The following RPP30 variants were observed in gnomAD, a reference collection of about 807,000 sequenced individuals.
RPP30 encodes the protein ribonuclease P/MRP subunit p30.
RPP30 carries 36 observed loss-of-function variants against 38.6 expected under a neutral mutation model. The observed-to-expected ratio is 0.93, with a 90% CI of 0.71 to 1.23. The LOEUF is 1.23. Ranked by LOEUF, RPP30 falls within the 50% of genes most tolerant of loss-of-function variation. The probability of loss-of-function intolerance (pLI) is 0.00; values close to 1 mark genes in which losing one functional copy is unlikely to be tolerated. For missense variants in RPP30, 321 were observed against 321.7 expected, an observed-to-expected ratio of 1.00 and a Z score of 0.02; for synonymous variants, 126 against 112.7, an observed-to-expected ratio of 1.12 and a Z score of -0.75.
Position 90,901,106 on chromosome 10 carries a change from C to T in RPP30, c.*427C>T, listed in dbSNP as rs1847195078. The T allele has an allele frequency of 3.4e-6, 1 of 297,968 alleles. No individual in the cohort carries two copies. The highest frequency in any genetic ancestry group is 4.9e-6 in the Non-Finnish European group (1 of 203,094). 18.5% of individuals were successfully genotyped at this position (297,968 alleles called of 1,614,324 possible). ...CCTCCCGCTTCAGCCTCTCAAGCAGCGGGAACTACAGGTGTGCACTACCAC... is the reference window on the plus strand; with the variant it reads ...CCTCCCGCTTCAGCCTCTCAAGCAGTGGGAACTACAGGTGTGCACTACCAC... On this transcript the variant is annotated 3_prime_UTR_variant, in exon 11 of 11. Coordinates refer to ENST00000371703, the MANE Select transcript of RPP30 (RefSeq NM_006413.5).
intron 4 of RPP30, among the ~76,000 whole-genome samples, chr10:90,878,331 G>A (rs1846878531): frequency 6.6e-6 from 1 of 152,086 alleles, no homozygotes; most frequent in African/African-American, 2.4e-5. Flanking sequence ...TACAAAATAA[G>A]AGATTGCAAA....
At chr10:90,904,407 A>T (rs190505103), downstream of RPP30, among the ~76,000 whole-genome samples, 1 of 152,216 alleles carries the variant, frequency 6.6e-6, no homozygotes, top group Non-Finnish European at 1.5e-5. Flanking sequence ...CAAATTATGT[A>T]ACCTCTCTGT....
Position 90,876,073 on chromosome 10 carries a change from C to G in RPP30, c.245C>G (p.Ser82Trp). Reference protein sequence around the residue: ...KILTRLTIIVSDPSHCNVLRA... With the variant: ...KILTRLTIIVWDPSHCNVLRA... ...TTAACTAGATTAACAATTATTGTCTCGGATCCATCTCACTGCAATGTTTTG... is the reference window on the plus strand; with the variant it reads ...TTAACTAGATTAACAATTATTGTCTGGGATCCATCTCACTGCAATGTTTTG... The change falls in exon 4 of 11, where the codon TCG becomes TGG. Residue 82 changes from serine (S) to tryptophan (W), a missense_variant. By Grantham distance (177) the Ser-to-Trp change is radical (BLOSUM62 -3). Transcript: ENST00000371703. 2 of 1,582,056 alleles carry G rather than the reference C, an allele frequency of 1.3e-6. No homozygotes were observed. The highest frequency in any genetic ancestry group is 1.7e-6 in the Non-Finnish European group (2 of 1,151,340).
rs1394364355 is a variant in RPP30, at chr10:90,895,929, T to A, written c.617+12T>A. 6.3e-7 allele frequency: 1 copy of A among 1,594,986 alleles called. No individual in the cohort carries two copies. Among genetic ancestry groups the A allele is most frequent in the Non-Finnish European group, 8.6e-7 (1 of 1,169,566 alleles). On this transcript the variant is annotated intron_variant, in intron 9 of 10. Transcript: ENST00000371703. ...GACGTGGCAAATCTGTATCCTTTTCTGAGTAAAAAGTTGTTGACATTGTCT... is the reference window on the plus strand; with the variant it reads ...GACGTGGCAAATCTGTATCCTTTTCAGAGTAAAAAGTTGTTGACATTGTCT...
Position 90,894,901 on chromosome 10 carries a change from T to C in RPP30, c.549+10T>C, listed in dbSNP as rs1459639332. On this transcript the variant is annotated intron_variant, in intron 7 of 10. Transcript: ENST00000371703. Reference sequence around the variant, plus strand: ...AATCTGCAAAGGAAAGGTATGGTTCTATAATTTTAGGATGTTTTTCGCATC... The same window carrying C: ...AATCTGCAAAGGAAAGGTATGGTTCCATAATTTTAGGATGTTTTTCGCATC... 2 of 1,566,238 alleles carry C rather than the reference T, an allele frequency of 1.3e-6. No homozygotes were observed. The highest frequency in any genetic ancestry group is 2.2e-5 in the South Asian group (2 of 90,048).
downstream of RPP30, among the ~76,000 whole-genome samples, chr10:90,906,318 A>G (rs1005379836): frequency 6.6e-6 from 1 of 152,196 alleles, no homozygotes; most frequent in African/African-American, 2.4e-5. Flanking sequence ...TGGGAAGAAG[A>G]GTCTTCCAGG....
chr10:90,900,108 T>C (rs4933620), intron 10 of RPP30, among the ~76,000 whole-genome samples: 31,603 of 152,154 alleles, frequency 0.21, 4,122 homozygotes, highest in African/African-American at 0.36. Context: ...GTTGGCAATA[T>C]AATGCAATTG....
At chr10:90,902,651 GACA>G (rs1414559490), downstream of RPP30, among the ~76,000 whole-genome samples, 2 of 152,272 alleles carry the variant, frequency 1.3e-5, no homozygotes, top group Non-Finnish European at 2.9e-5. Context: ...TTTTTAAAAT[GACA>G]ACAATAAAAA....
At position 90,901,270 on chromosome 10, in the gene RPP30, A is replaced by G. The variant is rs1306834069; in HGVS notation, c.*591A>G. ...CTAAAGTGCTGGGATTACATGAGCC[A>G]CCACATGCAGCCAGATGTTTGAATA... is the stretch of plus-strand genomic sequence containing the variant. On this transcript the variant is annotated 3_prime_UTR_variant, in exon 11 of 11. Coordinates refer to ENST00000371703, the MANE Select transcript of RPP30 (RefSeq NM_006413.5). The G allele has an allele frequency of 1.0e-6, 1 of 983,974 alleles. No homozygotes were observed. The highest frequency in any genetic ancestry group is 1.2e-6 in the Non-Finnish European group (1 of 829,262). The allele number at this position is 983,974 out of a possible 1,614,324, so 61.0% of individuals were successfully genotyped here. A position where few individuals can be genotyped will look rare whatever the true frequency, so the allele number is the denominator to read the frequency against.
In RPP30 at chr10:90,901,819, CA is replaced by C; in HGVS notation, c.*1142del. ...ACTGTTCTGCGGGTTGGAGAAAATA[CA>C]ATTTTTTTTTTTTTTTTTGAGACAG... On this transcript the variant is annotated 3_prime_UTR_variant, in exon 11 of 11. Coordinates refer to ENST00000371703, the MANE Select transcript of RPP30 (RefSeq NM_006413.5). 3 of 831,526 alleles carry C rather than the reference CA, an allele frequency of 3.6e-6. No individual in the cohort carries two copies. The highest frequency in any genetic ancestry group is 4.2e-6 in the Non-Finnish European group (3 of 708,138). 51.5% of individuals were successfully genotyped at this position (831,526 alleles called of 1,614,324 possible).
intron 6 of RPP30, among the ~76,000 whole-genome samples, chr10:90,886,446 ATAGAATT>A (rs1350516219): frequency 6.6e-6 from 1 of 152,206 alleles, no homozygotes; most frequent in Non-Finnish European, 1.5e-5. Flanking sequence ...TCCCTCTGCT[ATAGAATT>A]TTTCTCATTC....
chr10:90,873,493 A>T (rs1457119405), intron 1 of RPP30, among the ~76,000 whole-genome samples: 3 of 152,244 alleles, frequency 2.0e-5, no homozygotes, highest in African/African-American at 7.2e-5. Context: ...CTGATGTGAT[A>T]CAAGAAACCA....
At chr10:90,879,627 T>C (rs1846897586) in intron 5 of RPP30, among the ~76,000 whole-genome samples, 1 of 152,244 alleles carries the variant, frequency 6.6e-6, no homozygotes, top group African/African-American at 2.4e-5. Flanking sequence ...CAGAAATTCT[T>C]CAAAATCAGC....
At position 90,876,446 on chromosome 10, in the gene RPP30, A is replaced by G. The variant is rs371985917; in HGVS notation, c.270+348A>G. ...AGTTTAATTGGCAAGGCAAGCACTG[A>G]ACAAATAATAATTACAAATGTAAGG... is the stretch of plus-strand genomic sequence containing the variant. On this transcript the variant is annotated intron_variant, in intron 4 of 10. Coordinates refer to ENST00000371703, the MANE Select transcript of RPP30 (RefSeq NM_006413.5). 8.5e-4 allele frequency among the ~76,000 whole-genome samples: 129 copies of G among 152,326 alleles called. 1 individual carries two copies. Among genetic ancestry groups the G allele is most frequent in the African/African-American group, 2.9e-3 (120 of 41,566 alleles).
intron 4 of RPP30, 30 bp from the exon 5 acceptor site, chr10:90,879,033 T>G: frequency 1.3e-6 from 2 of 1,573,792 alleles, no homozygotes; most frequent in Non-Finnish European, 1.7e-6. Flanking sequence ...ATTTTGTTAT[T>G]GTATGATAAC....
At chr10:90,881,386 A>G (rs1372999004) in intron 5 of RPP30, among the ~76,000 whole-genome samples, 1 of 152,200 alleles carries the variant, frequency 6.6e-6, no homozygotes, top group East Asian at 1.9e-4. Flanking sequence ...GTAATTTCAT[A>G]TAATAGTTTT....
downstream of RPP30, chr10:90,902,426 A>G: frequency 3.9e-6 from 1 of 257,160 alleles, no homozygotes; most frequent in Non-Finnish European, 8.0e-6. Context: ...TGCCATGTCC[A>G]GGCTAGTCTC....
chr10:90,890,124 G>A (rs1847057474), intron 6 of RPP30, among the ~76,000 whole-genome samples: 6 of 152,124 alleles, frequency 3.9e-5, no homozygotes, highest in Admixed American at 3.9e-4. Context: ...CTCTCTCAAG[G>A]GGTTGACAAG....
intron 4 of RPP30, among the ~76,000 whole-genome samples, chr10:90,876,792 G>A (rs1846857972): frequency 6.6e-6 from 1 of 152,198 alleles, no homozygotes; most frequent in African/African-American, 2.4e-5. Context: ...GGAGTGAAAT[G>A]AGGTTTGAAT....
Sources: allele counts gnomAD v4.1 joint callset (sites outside exome capture counted in the v4.1 genomes callset), GRCh38; gene constraint gnomAD v4.1.1; transcripts MANE v1.5; gene names NCBI Gene and HGNC (gene_info 2026-07-23, HGNC 2026-07-21).